RPAP1: variants seen among roughly 807,000 people sequenced by gnomAD.
RPAP1 encodes RNA polymerase II associated protein 1.
Under a neutral mutation model 142.4 loss-of-function variants are expected in RPAP1, and 109 were observed. The ratio of observed to expected loss-of-function variants is 0.77; its 90% CI spans 0.66 to 0.90. The LOEUF (loss-of-function observed/expected upper bound fraction) is 0.90. Ranked by LOEUF, RPAP1 falls within the 40% of genes least tolerant of loss-of-function variation. RPAP1 has a pLI of 0.00. For missense variants in RPAP1, 1,546 were observed against 1,751.7 expected (o/e 0.88, Z 2.10); for synonymous variants, 704 against 738.9 (o/e 0.95, Z 0.77).
rs530038980 is a variant in RPAP1, at chr15:41,524,332, G to A, written c.2076-78C>T. The A allele has an allele frequency of 7.8e-6, 10 of 1,289,762 alleles. No individual in the cohort carries two copies. In the East Asian group the frequency reaches 1.9e-4, roughly 25 times the overall value. The allele number at this position is 1,289,762 out of a possible 1,614,324, so 79.9% of individuals were successfully genotyped here. A position where few individuals can be genotyped will look rare whatever the true frequency, so the allele number is the denominator to read the frequency against. ...AGACACAGGTCATGGCCCTGACCCA[G>A]GGATCTGCAGTTTGATAAAGGAGGA... On this transcript the variant is annotated intron_variant, in intron 15 of 24. Coordinates refer to ENST00000304330, the MANE Select transcript of RPAP1 (RefSeq NM_015540.4).
intron 14 of RPAP1, among the ~76,000 whole-genome samples, chr15:41,526,117 T>C (rs147121209): frequency 6.6e-6 from 1 of 152,214 alleles, no homozygotes; most frequent in Non-Finnish European, 1.5e-5. Flanking sequence ...ACCTGGCTAA[T>C]TTTTGTAGTT....
At chr15:41,531,621 ATATATATTTTT>A (rs1187122096) in intron 6 of RPAP1, among the ~76,000 whole-genome samples, 211 of 34,216 alleles carry the variant, frequency 6.2e-3, no homozygotes, top group African/African-American at 0.014. Context: ...ATATATATAT[ATATATATTTTT>A]TTTTTTTTTT....
chr15:41,536,793 T>A, intron 2 of RPAP1, 144 bp from the exon 3 acceptor site: 3 of 1,392,916 alleles, frequency 2.2e-6, no homozygotes, highest in Non-Finnish European at 2.9e-6. Flanking sequence ...TTGAGCCTCA[T>A]TTTCTTCCTC....
At position 41,522,231 on chromosome 15, in the gene RPAP1, G is replaced by A. The variant is rs200954116; in HGVS notation, c.2762C>T (p.Ala921Val). ...GAGGAAGTAATTCTGGAGTCCCGGG[G>A]CAGCCAATATGGCAGCCAGCTGAGG... ...LCGQLAAILA[A>V]PGLQNYFLQC... The change falls in exon 20 of 25, where the codon GCC becomes GTC. Residue 921 changes from alanine to valine, a missense_variant. Ala to Val is a moderately conservative substitution (Grantham distance 64). Transcript: ENST00000304330. The A allele has an allele frequency of 3.7e-6, 6 of 1,612,970 alleles. No homozygotes were observed. The highest frequency in any genetic ancestry group is 4.2e-6 in the Non-Finnish European group (5 of 1,179,882).
Position 41,535,572 on chromosome 15 carries a change from T to G in RPAP1, c.481A>C (p.Ile161Leu). The change falls in exon 5 of 25, where the codon ATA becomes CTA. Residue 161 changes from isoleucine (I) to leucine (L), a missense_variant. By Grantham distance (5) the Ile-to-Leu change is conservative. Transcript: ENST00000304330. ...IFAQEIAARR[I>L]AEAKGPSVGE... ...ACTGATGGGCCCTTGGCTTCAGCTA[T>G]CCTCCTTGCCGCAATTTCCTGGGCA... 6.2e-7 allele frequency: 1 copy of G among 1,614,092 alleles called. No homozygotes were observed. The highest frequency in any genetic ancestry group is 8.5e-7 in the Non-Finnish European group (1 of 1,179,994).
chr15:41,517,738 T>C (rs368961433), intron 24 of RPAP1, 47 bp from the exon 25 acceptor site: 1 of 1,613,980 alleles, frequency 6.2e-7, no homozygotes. Context: ...GAGATCCTGT[T>C]GTGGTCTCTG....
rs773052751 is a variant in RPAP1, at chr15:41,531,064, C to A, written c.902G>T (p.Ser301Ile). Reference protein sequence around the residue: ...KEEPLMSAFASEPRKRDKLEP... With the variant: ...KEEPLMSAFAIEPRKRDKLEP... ...CAGCTTGTCTCTCTTCCTGGGCTCA[C>A]TGGCAAAAGCTGACATGAGGGGTTC... The change falls in exon 7 of 25, where the codon AGT becomes ATT. Residue 301 changes from serine to isoleucine, a missense_variant. By Grantham distance (142) the Ser-to-Ile change is moderately radical. Around this residue, in one of 3 missense-constraint regions of RPAP1, gnomAD observed 1,333 missense variants for 1,486.6 expected, o/e 0.90. Transcript: ENST00000304330. 5.0e-6 allele frequency: 8 copies of A among 1,613,722 alleles called. No homozygotes were observed. The highest frequency in any genetic ancestry group is 1.3e-5 in the African/African-American group (1 of 74,878).
Position 41,524,084 on chromosome 15 carries a change from G to A in RPAP1, c.2234+12C>T, listed in dbSNP as rs200806598. On this transcript the variant is annotated intron_variant, in intron 16 of 24. Transcript: ENST00000304330. ...CCCTCCACCTGTCCTGTGGGTCCTG[G>A]CTATAAACTACCTGATGGTTTCAGC... is the stretch of plus-strand genomic sequence containing the variant. 144 of 1,590,664 alleles carry A rather than the reference G, an allele frequency of 9.1e-5. 1 individual carries two copies. The East Asian group carries it at 2.9e-3, about 32-fold the overall frequency.
intron 9 of RPAP1, among the ~76,000 whole-genome samples, chr15:41,528,641 G>C (rs1435020515): frequency 1.3e-5 from 2 of 152,164 alleles, no homozygotes; most frequent in African/African-American, 4.8e-5. Flanking sequence ...TGGAGCAAAA[G>C]GCAAAGGCAT....
chr15:41,522,798 G>C lies in RPAP1; in HGVS notation c.2709C>G (p.Thr903=). 6.3e-7 allele frequency: 1 copy of C among 1,578,028 alleles called. No homozygotes were observed. The highest frequency in any genetic ancestry group is 8.6e-7 in the Non-Finnish European group (1 of 1,168,562). ...ACAGCCCCTTGTGGATCTGGGCCAG[G>C]GTATTAAGAAGAGAGAGGAGGGCAG... is the stretch of plus-strand genomic sequence containing the variant. ...FLTALLSLLN[T]LAQIHKGLCG... The change falls in exon 19 of 25, where the codon ACC becomes ACG. Residue 903 remains threonine (T), a synonymous_variant. Coordinates refer to ENST00000304330, the MANE Select transcript of RPAP1 (RefSeq NM_015540.4).
chr15:41,521,085 C>T lies in RPAP1; in HGVS notation c.3101G>A (p.Ser1034Asn), dbSNP rs747410079. The T allele has an allele frequency of 3.9e-6, 6 of 1,527,784 alleles. No homozygotes were observed. In the East Asian group the frequency reaches 9.1e-5, roughly 23 times the overall value. The allele number at this position is 1,527,784 out of a possible 1,614,324, so 94.6% of individuals were successfully genotyped here. The change falls in exon 22 of 25, where the codon AGC (serine) becomes AAC (asparagine). Residue 1034 changes from serine to asparagine, a missense_variant. Ser to Asn is a conservative substitution (Grantham distance 46). Coordinates refer to ENST00000304330, the MANE Select transcript of RPAP1 (RefSeq NM_015540.4). The part of the protein sequence containing the change: ...DFSDQLSLGS[S>N]RVPRCGQGTL... ...CCCTTGCCCACACCGAGGGACCCTGCTGCTTCCTAACGACAGCTGGTCAGA... is the reference window on the plus strand; with the variant it reads ...CCCTTGCCCACACCGAGGGACCCTGTTGCTTCCTAACGACAGCTGGTCAGA...
At chr15:41,533,821 A>C (rs2051879548) in intron 6 of RPAP1, among the ~76,000 whole-genome samples, 1 of 148,098 alleles carries the variant, frequency 6.8e-6, no homozygotes, top group Non-Finnish European at 1.5e-5. Context: ...CTGGGCAACA[A>C]GAGGAAAAAT....
At chr15:41,540,409 C>G (rs746370172) in intron 1 of RPAP1, among the ~76,000 whole-genome samples, 11 of 151,466 alleles carry the variant, frequency 7.3e-5, no homozygotes, top group African/African-American at 7.3e-5. Flanking sequence ...TCAAGCGATT[C>G]TCCTGCCTCA....
chr15:41,517,892 G>C (rs367926877), intron 23 of RPAP1, 35 bp from the exon 24 acceptor site: 2 of 1,613,806 alleles, frequency 1.2e-6, no homozygotes, highest in African/African-American at 1.3e-5. Flanking sequence ...GCACTGAGCC[G>C]AGGGCTGGTA....
In RPAP1 at chr15:41,534,732, G is replaced by A. The variant is rs759758261; in HGVS notation, c.745C>T (p.Arg249Trp). ...CCCATACCAAGCTGGGCCAGCAACC[G>A]CTGCTGTTCCTGCAGGATCTCCTCA... ...APEEILQEQQ[R>W]LLAQLDPSLV... The change falls in exon 6 of 25, where the codon CGG (arginine) becomes TGG (tryptophan). Residue 249 changes from arginine (R) to tryptophan (W), a missense_variant. Around this residue, in one of 3 missense-constraint regions of RPAP1, gnomAD observed 1,333 missense variants for 1,486.6 expected, o/e 0.90. Transcript: ENST00000304330. 7 of 1,612,974 alleles carry A rather than the reference G, an allele frequency of 4.3e-6. No homozygotes were observed. The highest frequency in any genetic ancestry group is 2.7e-5 in the African/African-American group (2 of 74,828).
chr15:41,536,444 T>A, intron 3 of RPAP1, 57 bp downstream of exon 3: 1 of 1,598,598 alleles, frequency 6.3e-7, no homozygotes. Context: ...ACCCCGAGCA[T>A]CCAATATCCC....
chr15:41,536,583 T>C lies in RPAP1; in HGVS notation c.248A>G (p.His83Arg), dbSNP rs2051911080. ...TGGGTCCTCATCCTCAGGCAGGCAG[T>C]GGCCAGGGCTGGGCCTGGCTCTCTT... is the stretch of plus-strand genomic sequence containing the variant. The part of the protein sequence containing the change: ...PPKRARPSPG[H>R]CLPEDEDPEE... Residue 83 changes from histidine to arginine, a missense_variant, in exon 3 of 25, where the codon CAC (histidine) becomes CGC (arginine). By Grantham distance (29) the His-to-Arg change is conservative (BLOSUM62 0). Coordinates refer to ENST00000304330, the MANE Select transcript of RPAP1 (RefSeq NM_015540.4). 2.5e-6 allele frequency: 4 copies of C among 1,614,022 alleles called. No homozygotes were observed. The African/African-American group carries it at 5.3e-5, about 22-fold the overall frequency.
intron 21 of RPAP1, 132 bp from the exon 22 acceptor site, chr15:41,521,279 C>T (rs1008969986): frequency 1.7e-5 from 15 of 876,454 alleles, no homozygotes; most frequent in East Asian, 5.3e-5. Flanking sequence ...CTACTTCCCG[C>T]GCAGTGCTGT....
Position 41,527,886 on chromosome 15 carries a change from C to A in RPAP1, c.1402G>T (p.Ala468Ser). Residue 468 changes from alanine to serine, a missense_variant, in exon 11 of 25, where the codon GCT becomes TCT. Ala to Ser is a moderately conservative substitution (Grantham distance 99). This residue lies in a region of RPAP1 where 1,333 missense variants were observed against 1,486.6 expected (regional missense o/e 0.90). Transcript: ENST00000304330. ...TCATCTCCAGGAGCCACCAGCAGAG[C>A]CCGAAGAGCACGGATGGCGGTTGCA... ...VIATAIRALR[A>S]LLVAPGDEEL... The A allele has an allele frequency of 1.2e-6, 2 of 1,614,118 alleles. No individual in the cohort carries two copies. The highest frequency in any genetic ancestry group is 1.7e-6 in the Non-Finnish European group (2 of 1,180,022).
Sources: gnomAD v4.1 joint callset for allele counts (sites outside exome capture counted in the v4.1 genomes callset) on GRCh38, gnomAD v4.1.1 for gene constraint, gnomAD v4.1.1 regional missense constraint, MANE v1.5 for transcripts, NCBI Gene and HGNC (gene_info 2026-07-23, HGNC 2026-07-21) for gene names.